The following AGAP1 variants were observed in gnomAD, a reference collection of about 807,000 sequenced individuals.
The protein encoded by AGAP1 is ArfGAP with GTPase domain, ankyrin repeat and PH domain 1, also known as arf-GAP with GTPase, ANK repeat and PH domain-containing protein 1.
AGAP1 carries 29 observed loss-of-function variants against 105.3 expected under a neutral mutation model. The observed-to-expected ratio is 0.28, with a 90% CI of 0.21 to 0.38. The LOEUF (loss-of-function observed/expected upper bound fraction) is 0.38. AGAP1 is among the 10% of genes least tolerant of loss of function. The pLI, the probability that AGAP1 is intolerant of heterozygous loss-of-function variation, is 1.00. For synonymous variants in AGAP1, 509 were observed against 485.9 expected, an observed-to-expected ratio of 1.05 and a Z score of -0.63; for missense variants, 998 against 1,165.1, an observed-to-expected ratio of 0.86 and a Z score of 2.09.
intron 13 of AGAP1, among the ~76,000 whole-genome samples, chr2:236,026,744 T>G (rs1017464025): frequency 1.3e-5 from 2 of 151,850 alleles, no homozygotes; most frequent in African/African-American, 4.8e-5. Flanking sequence ...AAAATAAAAA[T>G]TAAAAGAAGG....
chr2:235,700,369 C>T lies in AGAP1; in HGVS notation c.164-8810C>T, dbSNP rs952328255. On this transcript the variant is annotated intron_variant, in intron 1 of 17. Coordinates refer to ENST00000304032, the MANE Select transcript of AGAP1 (RefSeq NM_001037131.3). This position sits in a 1 kb window ranked among gnomAD's most constrained non-coding sequence, Gnocchi z 6.1. ...TGCCGTTTTGACTTTCAAATCCTCA[C>T]GCCCTCTGCTTTGATTCTCTCAGAC... 7.2e-5 allele frequency among the ~76,000 whole-genome samples: 11 copies of T among 152,186 alleles called. No homozygotes were observed. The highest frequency in any genetic ancestry group is 2.1e-4 in the South Asian group (1 of 4,834).
At chr2:235,774,870 G>A (rs1235673797) in intron 6 of AGAP1, among the ~76,000 whole-genome samples, 1 of 152,100 alleles carries the variant, frequency 6.6e-6, no homozygotes, top group Non-Finnish European at 1.5e-5. Context: ...GCATTCACTC[G>A]CCCATTCATT....
At chr2:235,616,798 C>T (rs932127539) in intron 1 of AGAP1, among the ~76,000 whole-genome samples, 3 of 152,142 alleles carry the variant, frequency 2.0e-5, no homozygotes, top group East Asian at 1.9e-4. Context: ...AAATTCTGAA[C>T]GTATGATTTT....
intron 6 of AGAP1, among the ~76,000 whole-genome samples, chr2:235,766,387 G>A (rs2696386): frequency 0.24 from 35,824 of 152,094 alleles, 4,916 homozygotes; most frequent in Admixed American, 0.39. Flanking sequence ...TTAGTAAACC[G>A]CCACTAGGGG....
At chr2:235,748,110 G>A (rs905566518) in intron 5 of AGAP1, among the ~76,000 whole-genome samples, 3 of 152,222 alleles carry the variant, frequency 2.0e-5, no homozygotes, top group Non-Finnish European at 4.4e-5. Flanking sequence ...GGAGAAGCAC[G>A]ATCTGTAAAA....
intron 11 of AGAP1, among the ~76,000 whole-genome samples, chr2:235,911,481 G>A (rs546029234): frequency 1.1e-4 from 17 of 152,222 alleles, no homozygotes; most frequent in Non-Finnish European, 1.9e-4. Flanking sequence ...GTGAAGAAGC[G>A]TTCACTATGT....
At chr2:235,944,715 G>T (rs2053410912) in intron 12 of AGAP1, among the ~76,000 whole-genome samples, 1 of 152,228 alleles carries the variant, frequency 6.6e-6, no homozygotes, top group Non-Finnish European at 1.5e-5. Context: ...CTTTATGGGG[G>T]TGGTACGAGG....
chr2:235,516,298 T>C (rs369032451), intron 1 of AGAP1, among the ~76,000 whole-genome samples: 66 of 152,234 alleles, frequency 4.3e-4, no homozygotes, highest in Admixed American at 1.2e-3. Flanking sequence ...CCCCCAGAAA[T>C]AAAACAGAAA....
At chr2:235,694,902 C>T (rs1171853390) in intron 1 of AGAP1, among the ~76,000 whole-genome samples, 1 of 152,176 alleles carries the variant, frequency 6.6e-6, no homozygotes, top group Non-Finnish European at 1.5e-5. Flanking sequence ...GGGGTTCCGG[C>T]TTCTTCGCAG....
intron 12 of AGAP1, among the ~76,000 whole-genome samples, chr2:235,947,926 C>T (rs147336730): frequency 3.0e-4 from 46 of 152,328 alleles, no homozygotes; most frequent in Middle Eastern, 3.4e-3. Flanking sequence ...ATTTGAATAA[C>T]TTGTGCAAGA....
At position 235,966,810 on chromosome 2, in the gene AGAP1, C is replaced by T. The variant is rs1010122798; in HGVS notation, c.1484-1652C>T. Among the ~76,000 whole-genome samples, 9 of 152,116 alleles carry T rather than the reference C, an allele frequency of 5.9e-5. No homozygotes were observed. In the South Asian group the frequency reaches 1.0e-3, roughly 18 times the overall value. Reference sequence around the variant, plus strand: ...TGCATGCAATGAAGGGTGACGCTTCCGACTGTGCAGAGAGGGGCGAGGGGT... The same window carrying T: ...TGCATGCAATGAAGGGTGACGCTTCTGACTGTGCAGAGAGGGGCGAGGGGT... On this transcript the variant is annotated intron_variant, in intron 12 of 17. Coordinates refer to ENST00000304032, the MANE Select transcript of AGAP1 (RefSeq NM_001037131.3).
chr2:235,692,898 G>A lies in AGAP1; in HGVS notation c.164-16281G>A, dbSNP rs1344655816. ...GCTCCGGAGATAGCGAGGGAGGGAGGGAGGCAGTGAGCAGGACCTGTTGCT... is the reference window on the plus strand; with the variant it reads ...GCTCCGGAGATAGCGAGGGAGGGAGAGAGGCAGTGAGCAGGACCTGTTGCT... On this transcript the variant is annotated intron_variant, in intron 1 of 17. Coordinates refer to ENST00000304032, the MANE Select transcript of AGAP1 (RefSeq NM_001037131.3). This position sits in a 1 kb window ranked among gnomAD's most constrained non-coding sequence, Gnocchi z 5.8. 6.6e-6 allele frequency among the ~76,000 whole-genome samples: 1 copy of A among 152,136 alleles called. No individual in the cohort carries two copies. The highest frequency in any genetic ancestry group is 1.5e-5 in the Non-Finnish European group (1 of 68,026).
chr2:235,859,679 C>G (rs1393905330), intron 9 of AGAP1, among the ~76,000 whole-genome samples: 1 of 152,084 alleles, frequency 6.6e-6, no homozygotes, highest in Admixed American at 6.6e-5. Flanking sequence ...TTCCCGAAGG[C>G]ATTACTTTTA....
At chr2:236,031,987 T>C (rs888582855) in intron 13 of AGAP1, among the ~76,000 whole-genome samples, 7 of 152,166 alleles carry the variant, frequency 4.6e-5, no homozygotes, top group Non-Finnish European at 8.8e-5. Context: ...CTTTTCATAT[T>C]TGTAGTTGGG....
At chr2:235,938,108 A>G (rs1420929400) in intron 12 of AGAP1, among the ~76,000 whole-genome samples, 3 of 152,198 alleles carry the variant, frequency 2.0e-5, no homozygotes, top group African/African-American at 4.8e-5. Flanking sequence ...CGGCCGGTTC[A>G]GCGGCAGTCC....
chr2:236,130,681 A>T lies in AGAP1; in HGVS notation c.*6559A>T, dbSNP rs2060071072. On this transcript the variant is annotated 3_prime_UTR_variant, in exon 18 of 18. Coordinates refer to ENST00000304032, the MANE Select transcript of AGAP1 (RefSeq NM_001037131.3). The surrounding 1 kb of genome is among the most constrained non-coding windows in gnomAD (Gnocchi z 5.8). ...GACAGTCCAGGTGCATGGAATCCTA[A>T]TGGGCCTCATGCAGACACTGGAAGC... 6.6e-6 allele frequency: 1 copy of T among 152,312 alleles called. No individual in the cohort carries two copies. Among genetic ancestry groups the T allele is most frequent in the Non-Finnish European group, 1.5e-5 (1 of 68,144 alleles). 9.4% of individuals were successfully genotyped at this position (152,312 alleles called of 1,614,324 possible). A position where few individuals can be genotyped will look rare whatever the true frequency, so the allele number is the denominator to read the frequency against.
chr2:235,812,558 C>G (rs1054143885), intron 9 of AGAP1, among the ~76,000 whole-genome samples: 1 of 152,254 alleles, frequency 6.6e-6, no homozygotes, highest in African/African-American at 2.4e-5. Flanking sequence ...CCAGCGTTAA[C>G]AGCTCCTGAA....
intron 12 of AGAP1, among the ~76,000 whole-genome samples, chr2:235,947,178 C>T (rs913423139): frequency 2.0e-5 from 3 of 152,074 alleles, no homozygotes; most frequent in South Asian, 4.2e-4. Flanking sequence ...ACCCATCACC[C>T]GAGCAGTGTA....
intron 1 of AGAP1, among the ~76,000 whole-genome samples, chr2:235,604,412 G>T: frequency 6.6e-6 from 1 of 151,246 alleles, no homozygotes; most frequent in Admixed American, 6.6e-5. Context: ...AGCCCGGGAG[G>T]TTGAGGCTGT....
Sources: gnomAD v4.1 joint callset for allele counts (sites outside exome capture counted in the v4.1 genomes callset) on GRCh38, gnomAD v4.1.1 for gene constraint, Gnocchi (gnomAD v3.1) non-coding constraint, MANE v1.5 for transcripts, NCBI Gene and HGNC (gene_info 2026-07-23, HGNC 2026-07-21) for gene names.